Variants in ADK observed in about 807,000 individuals in gnomAD.
ADK encodes the protein adenosine kinase.
Under a neutral mutation model 44.7 loss-of-function variants are expected in ADK, and 24 were observed. The observed-to-expected ratio is 0.54, with a 90% CI of 0.39 to 0.76. The LOEUF is 0.76. Ranked by LOEUF, ADK falls within the 30% of genes least tolerant of loss-of-function variation. The probability of loss-of-function intolerance (pLI) is 0.00; values close to 1 mark genes in which losing one functional copy is unlikely to be tolerated. For missense variants in ADK, 321 were observed against 425.1 expected (o/e 0.76, Z 2.15); for synonymous variants, 128 against 142.6 (o/e 0.90, Z 0.73).
chr10:74,422,124 A>G (rs1159259253), intron 6 of ADK, among the ~76,000 whole-genome samples: 2 of 152,186 alleles, frequency 1.3e-5, no homozygotes, highest in Non-Finnish European at 2.9e-5. Context: ...GTAAACAACT[A>G]TGTTAACTAA....
chr10:74,626,926 G>A (rs1853226089), intron 9 of ADK, among the ~76,000 whole-genome samples: 1 of 152,112 alleles, frequency 6.6e-6, no homozygotes, highest in Non-Finnish European at 1.5e-5. Flanking sequence ...CCCATAAATT[G>A]TGGAACATAA....
chr10:74,295,232 C>T (rs1164328541), intron 3 of ADK, among the ~76,000 whole-genome samples: 3 of 151,340 alleles, frequency 2.0e-5, no homozygotes, highest in African/African-American at 4.8e-5. Context: ...GAGGCCAAAG[C>T]GGGCAGATCA....
At chr10:74,404,239 T>C (rs547397764) in intron 6 of ADK, among the ~76,000 whole-genome samples, 1 of 152,142 alleles carries the variant, frequency 6.6e-6, no homozygotes, top group Non-Finnish European at 1.5e-5. Flanking sequence ...ACATACATTT[T>C]ACTTCTACAT....
intron 3 of ADK, among the ~76,000 whole-genome samples, chr10:74,266,277 G>A (rs905950616): frequency 7.9e-5 from 12 of 152,152 alleles, no homozygotes; most frequent in Non-Finnish European, 5.9e-5. Flanking sequence ...ATCGAAAGGC[G>A]GCCGGGCACA....
At chr10:74,696,725 T>C (rs1856222919) in intron 10 of ADK, among the ~76,000 whole-genome samples, 1 of 152,194 alleles carries the variant, frequency 6.6e-6, no homozygotes, top group South Asian at 2.1e-4. Context: ...GTAATTTTAC[T>C]GTTTCCCTTT....
chr10:74,374,615 A>G (rs993757097), intron 4 of ADK, among the ~76,000 whole-genome samples: 2 of 152,100 alleles, frequency 1.3e-5, no homozygotes. Flanking sequence ...TCTGAAATAC[A>G]GATTGATCAG....
At chr10:74,260,837 G>T (rs1197753515) in intron 3 of ADK, among the ~76,000 whole-genome samples, 4 of 152,178 alleles carry the variant, frequency 2.6e-5, no homozygotes, top group African/African-American at 9.7e-5. Flanking sequence ...GATAAAAACT[G>T]ATTAGTGCCA....
At chr10:74,416,033 TACACACACACACAC>T (rs71475283) in intron 6 of ADK, among the ~76,000 whole-genome samples, 1 of 145,426 alleles carries the variant, frequency 6.9e-6, no homozygotes, top group Admixed American at 6.9e-5. Context: ...CATACATATA[TACACACACACACAC>T]ACACACACAC....
chr10:74,622,938 C>T (rs1378239380), intron 9 of ADK, among the ~76,000 whole-genome samples: 1 of 148,770 alleles, frequency 6.7e-6, no homozygotes, highest in Non-Finnish European at 1.5e-5. Context: ...ACCCGGGAGG[C>T]GGAGGTTGCG....
At chr10:74,473,944 T>A (rs558896480) in intron 6 of ADK, among the ~76,000 whole-genome samples, 1 of 152,278 alleles carries the variant, frequency 6.6e-6, no homozygotes, top group Non-Finnish European at 1.5e-5. Context: ...TATGCAAATA[T>A]TCTAGTTTTT....
intron 4 of ADK, among the ~76,000 whole-genome samples, chr10:74,355,020 T>G (rs1287702532): frequency 2.0e-5 from 3 of 152,170 alleles, no homozygotes; most frequent in Non-Finnish European, 4.4e-5. Context: ...CTGGGGTCAG[T>G]TTTTTTCCCC....
intron 7 of ADK, among the ~76,000 whole-genome samples, chr10:74,562,843 G>A (rs1390228994): frequency 2.6e-5 from 4 of 152,154 alleles, no homozygotes; most frequent in Admixed American, 2.0e-4. Context: ...AACTGTCCTT[G>A]TGAACCAGGT....
At position 74,300,472 on chromosome 10, in the gene ADK, G is replaced by A. The variant is rs569500688; in HGVS notation, c.195-14195G>A. Among the ~76,000 whole-genome samples the A allele has an allele frequency of 2.0e-5, 3 of 151,896 alleles. No individual in the cohort carries two copies. The South Asian group carries it at 6.2e-4, about 32-fold the overall frequency. On this transcript the variant is annotated intron_variant, in intron 3 of 10. Transcript: ENST00000539909. ...GCTCACTGCAACTTCCACCTCCCTGGTTCAAGCAATTCTCCTACCTCAGCC... is the reference window on the plus strand; with the variant it reads ...GCTCACTGCAACTTCCACCTCCCTGATTCAAGCAATTCTCCTACCTCAGCC...
intron 9 of ADK, among the ~76,000 whole-genome samples, chr10:74,609,144 T>TTCAAC (rs1420476420): frequency 1.3e-5 from 2 of 152,160 alleles, no homozygotes; most frequent in Non-Finnish European, 2.9e-5. Flanking sequence ...CAGCGAGAAT[T>TTCAAC]TCAAGCCAGT....
At chr10:74,321,111 C>G (rs1396257617) in intron 4 of ADK, among the ~76,000 whole-genome samples, 1 of 152,118 alleles carries the variant, frequency 6.6e-6, no homozygotes, top group African/African-American at 2.4e-5. Flanking sequence ...TGCAATTTAA[C>G]TTACCTATAG....
chr10:74,283,767 G>T (rs1340347804), intron 3 of ADK, among the ~76,000 whole-genome samples: 1 of 145,990 alleles, frequency 6.8e-6, no homozygotes, highest in Admixed American at 7.1e-5. Context: ...TGCAAGATCC[G>T]CCTCCTGAGT....
chr10:74,216,142 A>G (rs146247207), intron 2 of ADK, among the ~76,000 whole-genome samples: 1,940 of 152,230 alleles, frequency 0.013, 49 homozygotes, highest in African/African-American at 0.044. Flanking sequence ...TATTTTATGC[A>G]TAAGTTATAT....
intron 3 of ADK, among the ~76,000 whole-genome samples, chr10:74,277,940 A>G (rs1846766928): frequency 6.6e-6 from 1 of 152,204 alleles, no homozygotes; most frequent in South Asian, 2.1e-4. Flanking sequence ...AGAAATTCAT[A>G]TATTCCATAT....
chr10:74,650,146 G>A (rs377589864), intron 9 of ADK, among the ~76,000 whole-genome samples: 26 of 152,142 alleles, frequency 1.7e-4, no homozygotes, highest in Non-Finnish European at 3.1e-4. Context: ...TTGGCCAGTC[G>A]CAGTGGCTTA....
Sources: gnomAD v4.1 joint callset for allele counts (sites outside exome capture counted in the v4.1 genomes callset) on GRCh38, gnomAD v4.1.1 for gene constraint, MANE v1.5 for transcripts, NCBI Gene and HGNC (gene_info 2026-07-23, HGNC 2026-07-21) for gene names.